Variants in DAB1 observed in about 807,000 individuals in gnomAD.
The protein encoded by DAB1 is disabled homolog 1.
In DAB1, 15 loss-of-function variants were observed where a neutral mutation model predicts 64.6. That is an observed-to-expected ratio of 0.23 (90% CI 0.16 to 0.36). The LOEUF is 0.36. Ranked by LOEUF, DAB1 falls within the 10% of genes least tolerant of loss-of-function variation. The pLI is 1.00. For missense variants in DAB1, 596 were observed against 706.7 expected, an observed-to-expected ratio of 0.84 and a Z score of 1.78; for synonymous variants, 235 against 251.9, an observed-to-expected ratio of 0.93 and a Z score of 0.64.
intron 7 of DAB1, among the ~76,000 whole-genome samples, chr1:57,641,685 G>A (rs2101643042): frequency 6.6e-6 from 1 of 151,850 alleles, no homozygotes; most frequent in East Asian, 1.9e-4. Context: ...AGTAACCCCA[G>A]CGTAATCTCT....
intron 3 of DAB1, among the ~76,000 whole-genome samples, chr1:58,388,009 G>C (rs533536283): frequency 6.6e-6 from 1 of 152,134 alleles, no homozygotes; most frequent in Non-Finnish European, 1.5e-5. Flanking sequence ...TTATAGGCGT[G>C]AGCCACCATG....
intron 3 of DAB1, among the ~76,000 whole-genome samples, chr1:58,433,136 C>T (rs749738574): frequency 6.6e-6 from 1 of 152,192 alleles, no homozygotes; most frequent in African/African-American, 2.4e-5. Flanking sequence ...TCACCCAGGG[C>T]ACCAGCCAGA....
chr1:58,260,106 AT>A (rs1382668705), intron 4 of DAB1, among the ~76,000 whole-genome samples: 1 of 152,130 alleles, frequency 6.6e-6, no homozygotes, highest in Admixed American at 6.5e-5. Context: ...TCCACATGGC[AT>A]TCCCTAAATA....
At chr1:58,436,281 C>T (rs1644943457) in intron 3 of DAB1, among the ~76,000 whole-genome samples, 1 of 152,094 alleles carries the variant, frequency 6.6e-6, no homozygotes, top group South Asian at 2.1e-4. Flanking sequence ...AATTCTTACA[C>T]TCAATTATTA....
At chr1:57,362,373 G>A (rs1553172647) in intron 1 of DAB1, among the ~76,000 whole-genome samples, 1 of 151,904 alleles carries the variant, frequency 6.6e-6, no homozygotes, top group Non-Finnish European at 1.5e-5. Context: ...TAAACTTTCT[G>A]CAATTTACTT....
intron 7 of DAB1, among the ~76,000 whole-genome samples, chr1:57,475,034 T>C (rs976937117): frequency 9.2e-5 from 14 of 151,914 alleles, no homozygotes; most frequent in African/African-American, 3.1e-4. Context: ...CCAAGGTGAG[T>C]AGATCACCTG....
At chr1:57,644,093 G>A (rs541869023) in intron 7 of DAB1, among the ~76,000 whole-genome samples, 3 of 152,188 alleles carry the variant, frequency 2.0e-5, no homozygotes, top group Admixed American at 6.5e-5. Context: ...CATTATCTTC[G>A]AAAGGCACAG....
intron 5 of DAB1, among the ~76,000 whole-genome samples, chr1:57,918,607 A>C (rs374895696): frequency 1.4e-4 from 21 of 152,154 alleles, no homozygotes; most frequent in East Asian, 1.2e-3. Flanking sequence ...GGCAGATCAC[A>C]AAGTCAGGAG....
chr1:57,785,649 T>C (rs59868970), intron 6 of DAB1, among the ~76,000 whole-genome samples: 93,880 of 152,000 alleles, frequency 0.62, 29,328 homozygotes, highest in African/African-American at 0.69. Flanking sequence ...AAGATGTGAC[T>C]GAATTTCTGT....
At chr1:58,489,757 G>A (rs1361077991) in intron 3 of DAB1, among the ~76,000 whole-genome samples, 1 of 152,192 alleles carries the variant, frequency 6.6e-6, no homozygotes, top group East Asian at 1.9e-4. Context: ...CCAGAGGAAT[G>A]ATGAGGCAGC....
intron 5 of DAB1, among the ~76,000 whole-genome samples, chr1:57,910,466 T>G (rs541117045): frequency 2.0e-5 from 3 of 152,206 alleles, no homozygotes; most frequent in Admixed American, 2.0e-4. Flanking sequence ...GGCAAGCACA[T>G]ACTTTCTTTT....
intron 1 of DAB1, among the ~76,000 whole-genome samples, chr1:57,400,211 A>G (rs1469734633): frequency 6.6e-6 from 1 of 152,208 alleles, no homozygotes; most frequent in South Asian, 2.1e-4. Context: ...CTGCAAGTCC[A>G]TGCAAGAAAC....
chr1:58,146,773 T>C (rs1036718151), intron 5 of DAB1, among the ~76,000 whole-genome samples: 2 of 152,072 alleles, frequency 1.3e-5, no homozygotes, highest in Non-Finnish European at 2.9e-5. Context: ...TATATGTGAA[T>C]ATATTGCACA....
At chr1:57,526,941 T>G (rs1644600270) in intron 7 of DAB1, among the ~76,000 whole-genome samples, 1 of 152,172 alleles carries the variant, frequency 6.6e-6, no homozygotes, top group Non-Finnish European at 1.5e-5. Flanking sequence ...CACATGATAC[T>G]CTCAAGGCAT....
At chr1:57,254,982 C>T (rs950274918) in intron 2 of DAB1, among the ~76,000 whole-genome samples, 4 of 151,988 alleles carry the variant, frequency 2.6e-5, no homozygotes, top group East Asian at 1.9e-4. Context: ...ATGTCCATAA[C>T]GTAGAAGGCA....
intron 9 of DAB1, among the ~76,000 whole-genome samples, chr1:57,040,648 C>T (rs1160995324): frequency 1.3e-5 from 2 of 152,138 alleles, no homozygotes; most frequent in Non-Finnish European, 2.9e-5. Flanking sequence ...TAAATATACA[C>T]AGAAAACCAG....
At chr1:57,145,242 C>G (rs757132788) in intron 3 of DAB1, 48 bp downstream of exon 3, 7 of 1,579,212 alleles carry the variant, frequency 4.4e-6, no homozygotes, top group Admixed American at 1.7e-5. Context: ...TTCTTTTCCT[C>G]ATTCACATTA....
intron 6 of DAB1, among the ~76,000 whole-genome samples, chr1:57,680,344 C>T: frequency 6.6e-6 from 1 of 152,316 alleles, no homozygotes; most frequent in Non-Finnish European, 1.5e-5. Context: ...TAAAACAACA[C>T]AAATTTTATA....
At chr1:57,702,325 G>A (rs895765063) in intron 6 of DAB1, among the ~76,000 whole-genome samples, 3 of 151,982 alleles carry the variant, frequency 2.0e-5, no homozygotes, top group Non-Finnish European at 2.9e-5. Context: ...AAGCCAGATT[G>A]TTTCTACACC....
Sources: gnomAD v4.1 joint callset for allele counts (sites outside exome capture counted in the v4.1 genomes callset) on GRCh38, gnomAD v4.1.1 for gene constraint, MANE v1.5 for transcripts, NCBI Gene and HGNC (gene_info 2026-07-23, HGNC 2026-07-21) for gene names.